Variants in CDKAL1 observed in about 807,000 individuals in gnomAD.
CDKAL1 encodes CDKAL1 threonylcarbamoyladenosine tRNA methylthiotransferase.
CDKAL1 carries 32 observed loss-of-function variants against 68.2 expected under a neutral mutation model. That is an observed-to-expected ratio of 0.47 (90% CI 0.35 to 0.63). CDKAL1 has a LOEUF of 0.63. CDKAL1 is among the 30% of genes least tolerant of loss of function. The pLI, the probability that CDKAL1 is intolerant of heterozygous loss-of-function variation, is 0.00. For missense variants in CDKAL1, 606 were observed against 696.7 expected (o/e 0.87, Z 1.47); for synonymous variants, 234 against 244.3 (o/e 0.96, Z 0.39).
intron 8 of CDKAL1, among the ~76,000 whole-genome samples, chr6:20,801,201 G>C (rs961631688): frequency 2.0e-5 from 3 of 152,228 alleles, no homozygotes; most frequent in Non-Finnish European, 4.4e-5. Flanking sequence ...TGGGATTACA[G>C]GCATGAGCCG....
rs554885968 is a variant in CDKAL1, at chr6:21,039,748, T to C, written c.1056-25300T>C. ...CCTGTAAGAATCACTCAAATTTTTT[T>C]TTAGAGAAATGCAAAGTATGATTGA... On this transcript the variant is annotated intron_variant, in intron 11 of 15. Transcript: ENST00000274695. 2.2e-4 allele frequency among the ~76,000 whole-genome samples: 34 copies of C among 152,338 alleles called. 2 individuals are homozygous for C. The highest frequency in any genetic ancestry group is 7.5e-4 in the African/African-American group (31 of 41,584).
chr6:20,801,231 C>G (rs1355999075), intron 8 of CDKAL1, among the ~76,000 whole-genome samples: 1 of 152,188 alleles, frequency 6.6e-6, no homozygotes, highest in African/African-American at 2.4e-5. Context: ...GCCCCTTATT[C>G]TTTCATCTTG....
At chr6:20,739,239 C>G (rs1773336113) in intron 5 of CDKAL1, among the ~76,000 whole-genome samples, 1 of 151,956 alleles carries the variant, frequency 6.6e-6, no homozygotes, top group African/African-American at 2.4e-5. Context: ...GATTCATATC[C>G]TTGGGAATAA....
chr6:21,043,347 TTGTGTGTGTG>T (rs34254730), intron 11 of CDKAL1, among the ~76,000 whole-genome samples: 2 of 150,382 alleles, frequency 1.3e-5, no homozygotes, highest in Non-Finnish European at 3.0e-5. Flanking sequence ...GTGTGTGTGT[TTGTGTGTGTG>T]TGTGTGTGTA....
intron 8 of CDKAL1, among the ~76,000 whole-genome samples, chr6:20,831,348 G>A (rs557402667): frequency 1.3e-5 from 2 of 152,268 alleles, no homozygotes; most frequent in South Asian, 4.2e-4. Flanking sequence ...GAATATGGCG[G>A]AGGAGGCAAA....
chr6:20,755,692 C>T (rs1189923341), intron 6 of CDKAL1, among the ~76,000 whole-genome samples: 1 of 152,098 alleles, frequency 6.6e-6, no homozygotes, highest in African/African-American at 2.4e-5. Flanking sequence ...ATTAACAAAC[C>T]TTGGGTCAGT....
chr6:20,937,568 C>G (rs529705718), intron 9 of CDKAL1, among the ~76,000 whole-genome samples: 1 of 152,218 alleles, frequency 6.6e-6, no homozygotes, highest in Admixed American at 6.5e-5. Flanking sequence ...ACCAAGTCTC[C>G]TCAGTCTCTT....
chr6:20,690,637 AT>A (rs1004170923), intron 5 of CDKAL1, among the ~76,000 whole-genome samples: 20 of 152,030 alleles, frequency 1.3e-4, no homozygotes, highest in South Asian at 4.2e-4. Context: ...ACAAAATAGA[AT>A]TTTTTTTATA....
At chr6:20,651,744 A>AT (rs1170795124) in intron 5 of CDKAL1, among the ~76,000 whole-genome samples, 1 of 152,156 alleles carries the variant, frequency 6.6e-6, no homozygotes, top group African/African-American at 2.4e-5. Flanking sequence ...TACTTAGTTT[A>AT]TTGAGAGTTT....
At chr6:20,893,555 C>T (rs1033148542) in intron 9 of CDKAL1, among the ~76,000 whole-genome samples, 2 of 152,044 alleles carry the variant, frequency 1.3e-5, no homozygotes, top group Non-Finnish European at 1.5e-5. Context: ...TTGTTCTGGG[C>T]ATAGTTACAT....
chr6:20,743,061 A>G (rs889728475), intron 6 of CDKAL1, among the ~76,000 whole-genome samples: 21 of 152,190 alleles, frequency 1.4e-4, no homozygotes, highest in African/African-American at 5.1e-4. Flanking sequence ...ACAGTGAAAT[A>G]AAGAAATGAA....
intron 5 of CDKAL1, among the ~76,000 whole-genome samples, chr6:20,700,893 T>TG (rs1054417534): frequency 3.6e-4 from 48 of 135,184 alleles, no homozygotes; most frequent in Non-Finnish European, 6.2e-4. Flanking sequence ...TGGAGGTTTT[T>TG]GGGTTTTTTT....
chr6:21,067,822 A>G (rs1771539612), intron 12 of CDKAL1, among the ~76,000 whole-genome samples: 1 of 152,130 alleles, frequency 6.6e-6, no homozygotes, highest in South Asian at 2.1e-4. Context: ...TGCAATCCCA[A>G]CAACAATATA....
chr6:20,935,808 G>A (rs1227125512), intron 9 of CDKAL1, among the ~76,000 whole-genome samples: 4 of 152,128 alleles, frequency 2.6e-5, no homozygotes, highest in South Asian at 2.1e-4. Flanking sequence ...GCGCTCAAGC[G>A]ATCCTCCCCC....
intron 12 of CDKAL1, among the ~76,000 whole-genome samples, chr6:21,104,293 A>G (rs553879146): frequency 9.2e-5 from 14 of 152,304 alleles, no homozygotes; most frequent in Non-Finnish European, 1.8e-4. Context: ...ATGTTTCAGT[A>G]TATAGGTTAT....
At chr6:20,671,870 C>T (rs945707252) in intron 5 of CDKAL1, among the ~76,000 whole-genome samples, 2 of 152,124 alleles carry the variant, frequency 1.3e-5, no homozygotes, top group East Asian at 3.9e-4. Flanking sequence ...TCCCTAGTAG[C>T]TGGGACTCTA....
intron 9 of CDKAL1, among the ~76,000 whole-genome samples, chr6:20,880,611 C>A (rs12198243): frequency 0.55 from 82,882 of 151,900 alleles, 22,920 homozygotes; most frequent in African/African-American, 0.59. Context: ...AAAATGCCAC[C>A]ATATATCATA....
intron 4 of CDKAL1, among the ~76,000 whole-genome samples, chr6:20,603,737 AGATCTACATT>A (rs1766206738): frequency 6.6e-6 from 1 of 150,558 alleles, no homozygotes. Flanking sequence ...CCAGGGACAA[AGATCTACATT>A]GATTAATGGG....
intron 13 of CDKAL1, among the ~76,000 whole-genome samples, chr6:21,193,670 C>T (rs1352985792): frequency 1.3e-5 from 2 of 152,162 alleles, no homozygotes; most frequent in South Asian, 2.1e-4. Flanking sequence ...TCAAAGAACC[C>T]TCTTCAGACT....
Sources: gnomAD v4.1 joint callset for allele counts (sites outside exome capture counted in the v4.1 genomes callset) on GRCh38, gnomAD v4.1.1 for gene constraint, MANE v1.5 for transcripts, NCBI Gene and HGNC (gene_info 2026-07-23, HGNC 2026-07-21) for gene names.